The following RANBP3L variants were observed in gnomAD, a reference collection of about 807,000 sequenced individuals.
RANBP3L encodes ran-binding protein 3-like.
A neutral mutation model predicts 67.2 loss-of-function variants in RANBP3L; 56 were observed. That is an observed-to-expected ratio of 0.83 (90% CI 0.67 to 1.04). RANBP3L has a LOEUF of 1.04. Ranked by LOEUF, RANBP3L falls within the 50% of genes least tolerant of loss-of-function variation. RANBP3L has a pLI of 0.00. For missense variants in RANBP3L, 496 were observed against 535.5 expected, an observed-to-expected ratio of 0.93 and a Z score of 0.73; for synonymous variants, 164 against 181.4, an observed-to-expected ratio of 0.90 and a Z score of 0.77.
At chr5:36,298,718 A>G (rs1752407948) in intron 1 of RANBP3L, among the ~76,000 whole-genome samples, 1 of 152,244 alleles carries the variant, frequency 6.6e-6, no homozygotes, top group Admixed American at 6.5e-5. Context: ...AGCATGCTTC[A>G]CAACTTTATG....
chr5:36,255,935 C>T (rs1228592076), intron 10 of RANBP3L, among the ~76,000 whole-genome samples: 1 of 151,940 alleles, frequency 6.6e-6, no homozygotes, highest in Non-Finnish European at 1.5e-5. Flanking sequence ...TATAAATGTT[C>T]CCCCTCTTTT....
rs1467684575 is a variant in RANBP3L, at chr5:36,271,329, A to G, written c.92-18T>C. 5 of 1,509,806 alleles carry G rather than the reference A, an allele frequency of 3.3e-6. No homozygotes were observed. Among genetic ancestry groups the G allele is most frequent in the Non-Finnish European group, 4.6e-6 (5 of 1,089,058 alleles). The allele number at this position is 1,509,806 out of a possible 1,614,324, so 93.5% of individuals were successfully genotyped here. ...AGATTTTTCTGTGAAAAAAAAGAAA[A>G]CAGGCAAGAAATCAAAGCATACTCT... On this transcript the variant is annotated intron_variant, in intron 1 of 13. Transcript: ENST00000296604.
intron 1 of RANBP3L, among the ~76,000 whole-genome samples, chr5:36,276,893 T>A (rs1750610964): frequency 6.6e-6 from 1 of 152,214 alleles, no homozygotes; most frequent in African/African-American, 2.4e-5. Context: ...TCCCCAAGTT[T>A]CTGCTACACA....
chr5:36,268,640 G>T (rs969895688), intron 4 of RANBP3L, among the ~76,000 whole-genome samples: 5 of 151,894 alleles, frequency 3.3e-5, no homozygotes, highest in African/African-American at 1.2e-4. Flanking sequence ...TAAGTTACTG[G>T]TTTACTCAGA....
intron 1 of RANBP3L, among the ~76,000 whole-genome samples, chr5:36,290,724 GGCTTT>G (rs1751675173): frequency 7.9e-6 from 1 of 126,272 alleles, no homozygotes; most frequent in African/African-American, 3.1e-5. Flanking sequence ...GGACAACCAT[GGCTTT>G]TTTTTTTTTT....
chr5:36,260,333 C>G (rs1383800963), intron 8 of RANBP3L, among the ~76,000 whole-genome samples: 1 of 139,032 alleles, frequency 7.2e-6, no homozygotes, highest in East Asian at 2.3e-4. Context: ...TGCACTCCAG[C>G]CTGGGTGACA....
At position 36,247,571 on chromosome 5, in the gene RANBP3L, C is replaced by T. The variant is rs3789758; in HGVS notation, c.*2083G>A. Among the ~76,000 whole-genome samples, 47,879 of 152,036 alleles carry T rather than the reference C, an allele frequency of 0.31. 9,001 individuals are homozygous for T. Among genetic ancestry groups the T allele is most frequent in the South Asian group, 0.49 (2,345 of 4,822 alleles). On this transcript the variant is annotated 3_prime_UTR_variant, in exon 14 of 14. Transcript: ENST00000296604. ...CTTTATCTCTACCTTAGTGTGGGGACGAGGATGAACATGTCAAAAAGATAA... is the reference window on the plus strand; with the variant it reads ...CTTTATCTCTACCTTAGTGTGGGGATGAGGATGAACATGTCAAAAAGATAA...
At chr5:36,299,333 A>ATGTGTGTG (rs1387105784) in intron 1 of RANBP3L, among the ~76,000 whole-genome samples, 2 of 130,738 alleles carry the variant, frequency 1.5e-5, no homozygotes, top group African/African-American at 7.3e-5. Context: ...ACACATACAT[A>ATGTGTGTG]TATGTGTGTG....
intron 1 of RANBP3L, among the ~76,000 whole-genome samples, chr5:36,294,965 T>G (rs1752099082): frequency 6.8e-6 from 1 of 147,126 alleles, no homozygotes; most frequent in African/African-American, 2.6e-5. Flanking sequence ...TATATATGTA[T>G]GTATACATAT....
intron 1 of RANBP3L, among the ~76,000 whole-genome samples, chr5:36,273,483 T>C (rs887347657): frequency 4.6e-5 from 7 of 152,228 alleles, no homozygotes; most frequent in Non-Finnish European, 8.8e-5. Flanking sequence ...CATGGTCTAA[T>C]TGAAGGTGCA....
intron 4 of RANBP3L, among the ~76,000 whole-genome samples, chr5:36,266,187 A>G (rs1006602823): frequency 2.6e-5 from 4 of 152,152 alleles, no homozygotes; most frequent in African/African-American, 9.7e-5. Flanking sequence ...GCTCTTATAG[A>G]ATATTATAAA....
At chr5:36,258,206 A>G (rs192595871) in intron 8 of RANBP3L, among the ~76,000 whole-genome samples, 59 of 152,260 alleles carry the variant, frequency 3.9e-4, no homozygotes, top group Non-Finnish European at 1.3e-4. Flanking sequence ...GGGGCTCTGT[A>G]TGTCTGTTGT....
At chr5:36,299,963 A>T (rs1040451102) in intron 1 of RANBP3L, among the ~76,000 whole-genome samples, 6 of 152,224 alleles carry the variant, frequency 3.9e-5, no homozygotes, top group Non-Finnish European at 8.8e-5. Flanking sequence ...AAAGTCTAGA[A>T]GTTTATACAT....
At chr5:36,260,642 T>C (rs1332147301) in intron 8 of RANBP3L, 138 bp downstream of exon 8, 1 of 541,626 alleles carries the variant, frequency 1.8e-6, no homozygotes, top group East Asian at 3.3e-5. Flanking sequence ...TCTTTCCAGT[T>C]AAAGAAAGAA....
chr5:36,285,977 G>T (rs1026067395), intron 1 of RANBP3L, among the ~76,000 whole-genome samples: 2 of 152,134 alleles, frequency 1.3e-5, no homozygotes, highest in Admixed American at 1.3e-4. Context: ...TATACTGAAA[G>T]GTCCCAGTGT....
intron 1 of RANBP3L, among the ~76,000 whole-genome samples, chr5:36,279,557 G>T (rs1227026241): frequency 6.6e-6 from 1 of 152,080 alleles, no homozygotes; most frequent in Non-Finnish European, 1.5e-5. Flanking sequence ...AAGTTTCCAG[G>T]CTGACTCACA....
At chr5:36,276,609 G>A (rs969726092) in intron 1 of RANBP3L, among the ~76,000 whole-genome samples, 1 of 151,470 alleles carries the variant, frequency 6.6e-6, no homozygotes, top group Non-Finnish European at 1.5e-5. Flanking sequence ...TCTATTTTAT[G>A]TACTATATAC....
chr5:36,266,506 G>GT (rs772748224), intron 4 of RANBP3L, among the ~76,000 whole-genome samples: 2 of 152,008 alleles, frequency 1.3e-5, no homozygotes, highest in Non-Finnish European at 2.9e-5. Flanking sequence ...TCAATTTAAT[G>GT]TTTTTTATGA....
At position 36,278,026 on chromosome 5, in the gene RANBP3L, T is replaced by A. The variant is rs1472950942; in HGVS notation, c.92-6715A>T. Among the ~76,000 whole-genome samples the A allele has an allele frequency of 2.6e-5, 4 of 152,050 alleles. No homozygotes were observed. The East Asian group carries it at 7.7e-4, about 29-fold the overall frequency. Reference sequence around the variant, plus strand: ...CAGCTCATGAAGGAAACCGTCCCCATGATTCAATAATTTCCCACTGGGTCC... The same window carrying A: ...CAGCTCATGAAGGAAACCGTCCCCAAGATTCAATAATTTCCCACTGGGTCC... On this transcript the variant is annotated intron_variant, in intron 1 of 13. Transcript: ENST00000296604.
Sources: allele counts gnomAD v4.1 joint callset (sites outside exome capture counted in the v4.1 genomes callset), GRCh38; gene constraint gnomAD v4.1.1; transcripts MANE v1.5; gene names NCBI Gene and HGNC (gene_info 2026-07-23, HGNC 2026-07-21).